Variants in CDK5RAP2 observed in about 807,000 individuals in gnomAD.
The protein encoded by CDK5RAP2 is CDK5 regulatory subunit-associated protein 2.
A neutral mutation model predicts 232.9 loss-of-function variants in CDK5RAP2; 147 were observed. The observed-to-expected ratio is 0.63, with a 90% confidence interval of 0.55 to 0.72. The LOEUF is 0.72. Ranked by LOEUF, CDK5RAP2 falls within the 30% of genes least tolerant of loss-of-function variation. CDK5RAP2 has a pLI of 0.00. For missense variants in CDK5RAP2, 2,195 were observed against 2,231.5 expected (o/e 0.98, Z 0.33); for synonymous variants, 833 against 833.7 (o/e 1.00, Z 0.01).
intron 26 of CDK5RAP2, among the ~76,000 whole-genome samples, chr9:120,422,323 G>A (rs1224414197): frequency 6.6e-6 from 1 of 152,184 alleles, no homozygotes. Context: ...TCAGGGGAAG[G>A]GAAGCGAGGA....
intron 22 of CDK5RAP2, among the ~76,000 whole-genome samples, chr9:120,445,230 G>GT (rs1455176145): frequency 1.3e-5 from 2 of 152,142 alleles, no homozygotes. Context: ...CCCAAAGTGT[G>GT]TAAGTGTCTT....
At chr9:120,545,383 G>A (rs2041799696) in intron 5 of CDK5RAP2, among the ~76,000 whole-genome samples, 2 of 152,182 alleles carry the variant, frequency 1.3e-5, no homozygotes, top group Admixed American at 1.3e-4. Flanking sequence ...CAGAATGGTA[G>A]TTATCTTTAG....
intron 3 of CDK5RAP2, among the ~76,000 whole-genome samples, chr9:120,555,455 G>A (rs1336214512): frequency 2.0e-5 from 3 of 152,056 alleles, no homozygotes; most frequent in Admixed American, 2.0e-4. Flanking sequence ...TCACTTCTCT[G>A]TGGACCTCAG....
At chr9:120,446,429 T>C (rs931236910) in intron 22 of CDK5RAP2, among the ~76,000 whole-genome samples, 17 of 152,182 alleles carry the variant, frequency 1.1e-4, no homozygotes, top group Admixed American at 5.2e-4. Context: ...TTTCGCCACG[T>C]TGGCCAAGCT....
chr9:120,545,812 G>T, intron 4 of CDK5RAP2, 22 bp from the exon 5 acceptor site: 1 of 1,595,270 alleles, frequency 6.3e-7, no homozygotes, highest in Non-Finnish European at 8.6e-7. Context: ...GATTAAGAAA[G>T]AAAAGAAACA....
chr9:120,530,058 A>G lies in CDK5RAP2; in HGVS notation c.745T>C (p.Cys249Arg), dbSNP rs894366002. 6.2e-7 allele frequency: 1 copy of G among 1,613,696 alleles called. No individual in the cohort carries two copies. Among genetic ancestry groups the G allele is most frequent in the Non-Finnish European group, 8.5e-7 (1 of 1,179,564 alleles). The change falls in exon 8 of 38, where the codon TGT becomes CGT. Residue 249 changes from cysteine to arginine, a missense_variant. By Grantham distance (180) the Cys-to-Arg change is radical. Coordinates refer to ENST00000349780, the MANE Select transcript of CDK5RAP2 (RefSeq NM_018249.6). ...CCAGATGACACATTCTCATCAGGAC[A>G]TGCCATCTGAGATTTCTCCTCTTTA... ...CLKEEKSQMA[C>R]PDENVSSGEL...
At chr9:120,506,359 T>C (rs1249231022) in intron 12 of CDK5RAP2, among the ~76,000 whole-genome samples, 1 of 152,232 alleles carries the variant, frequency 6.6e-6, no homozygotes, top group Non-Finnish European at 1.5e-5. Context: ...ACAATGCACC[T>C]GGTCATCCAA....
chr9:120,409,054 G>A, intron 30 of CDK5RAP2, 73 bp downstream of exon 30: 2 of 1,454,780 alleles, frequency 1.4e-6, no homozygotes, highest in Non-Finnish European at 1.9e-6. Flanking sequence ...CCTGCGTGCT[G>A]ATTCCACGAC....
chr9:120,540,246 T>C (rs1255143269), intron 5 of CDK5RAP2, among the ~76,000 whole-genome samples: 1 of 152,192 alleles, frequency 6.6e-6, no homozygotes, highest in Non-Finnish European at 1.5e-5. Flanking sequence ...TCGTCAGATT[T>C]CTAAAATGAC....
intron 26 of CDK5RAP2, among the ~76,000 whole-genome samples, chr9:120,420,670 C>T (rs1257003179): frequency 2.0e-5 from 3 of 151,772 alleles, no homozygotes. Flanking sequence ...CTTTTTTTCT[C>T]CCACGTCTTC....
At chr9:120,509,917 A>G (rs1205304548) in intron 12 of CDK5RAP2, among the ~76,000 whole-genome samples, 2 of 152,108 alleles carry the variant, frequency 1.3e-5, no homozygotes, top group Non-Finnish European at 2.9e-5. Flanking sequence ...ATTATTCTAT[A>G]AAGAGACCAA....
rs201479828 is a variant in CDK5RAP2, at chr9:120,409,128, T to G, written c.4603A>C (p.Arg1535=). 1.1e-5 allele frequency: 17 copies of G among 1,611,244 alleles called. No homozygotes were observed. Among genetic ancestry groups the G allele is most frequent in the Non-Finnish European group, 1.4e-5 (16 of 1,179,930 alleles). ...EVRCSGQELS[R]VQEEVKLRQQ... Reference sequence around the variant, plus strand: ...CCACCAGGGAAGCACAGCCACTACCTGCTCAGCTCCTGGCCGCTGCAGCGG... The same window carrying G: ...CCACCAGGGAAGCACAGCCACTACCGGCTCAGCTCCTGGCCGCTGCAGCGG... The change falls in exon 30 of 38, where the codon AGG becomes CGG. Residue 1535 remains arginine, a splice_region_variant and synonymous_variant. Coordinates refer to ENST00000349780, the MANE Select transcript of CDK5RAP2 (RefSeq NM_018249.6).
chr9:120,534,808 C>T (rs1203509558), intron 7 of CDK5RAP2, among the ~76,000 whole-genome samples: 1 of 152,188 alleles, frequency 6.6e-6, no homozygotes, highest in East Asian at 1.9e-4. Context: ...CCCCTACTCC[C>T]AGTTTAACTG....
Position 120,403,513 on chromosome 9 carries a change from GAT to G in CDK5RAP2, c.5042-444_5042-443del. The stretch of plus-strand genomic sequence containing the variant: ...CTGAGAAGGAGCAGCATTTGAACTG[GAT>G]TGAGCAAGTAGCAAGAATTACACGA... On this transcript the variant is annotated intron_variant, in intron 33 of 37. Transcript: ENST00000349780. The surrounding 1 kb of genome is among the most constrained non-coding windows in gnomAD (Gnocchi z 4.2). 3.5e-6 allele frequency: 1 copy of G among 284,274 alleles called. No individual in the cohort carries two copies. The highest frequency in any genetic ancestry group is 6.8e-6 in the Non-Finnish European group (1 of 147,620). The allele number at this position is 284,274 out of a possible 1,614,324, so 17.6% of individuals were successfully genotyped here.
chr9:120,400,780 G>T lies in CDK5RAP2; in HGVS notation c.5413C>A (p.Leu1805Ile), dbSNP rs545543130. 6.2e-7 allele frequency: 1 copy of T among 1,614,130 alleles called. No individual in the cohort carries two copies. The highest frequency in any genetic ancestry group is 1.1e-5 in the South Asian group (1 of 91,082). Residue 1805 changes from leucine to isoleucine, a missense_variant, in exon 35 of 38, where the codon CTC becomes ATC. Leu to Ile is a conservative substitution (Grantham distance 5). Coordinates refer to ENST00000349780, the MANE Select transcript of CDK5RAP2 (RefSeq NM_018249.6). Reference protein sequence around the residue: ...RRLKLLWRVSLPEDGQCPLHC... With the variant: ...RRLKLLWRVSIPEDGQCPLHC... Reference sequence around the variant, plus strand: ...AGGGGGCACTGGCCATCCTCGGGGAGTGAGACTCTCCAGAGAAGCTTCAGC... The same window carrying T: ...AGGGGGCACTGGCCATCCTCGGGGATTGAGACTCTCCAGAGAAGCTTCAGC...
At chr9:120,554,695 G>A (rs1030570749) in intron 3 of CDK5RAP2, among the ~76,000 whole-genome samples, 2 of 152,058 alleles carry the variant, frequency 1.3e-5, no homozygotes, top group Admixed American at 1.3e-4. Flanking sequence ...GTGCAATGGC[G>A]TAATCTTGGC....
rs145206302 is a variant in CDK5RAP2, at chr9:120,571,450, T to C, written c.127+524A>G. ...GAAGAATGCTTAGCTAGACCCAAAC[T>C]GCAAAGTCTCCTCATAATCCAGCTT... On this transcript the variant is annotated intron_variant, in intron 2 of 37. Transcript: ENST00000349780. Among the ~76,000 whole-genome samples, 12 of 152,360 alleles carry C rather than the reference T, an allele frequency of 7.9e-5. 1 individual carries two copies. The highest frequency in any genetic ancestry group is 2.2e-4 in the African/African-American group (9 of 41,586).
Position 120,525,077 on chromosome 9 carries a change from A to G in CDK5RAP2, c.1001T>C (p.Val334Ala), listed in dbSNP as rs2040839623. ...TMALKSKEKKVEELNSEIEKL... is the reference protein window; with the variant it reads ...TMALKSKEKKAEELNSEIEKL... Reference sequence around the variant, plus strand: ...TTCAATTTCAGAGTTAAGTTCTTCAACCTGGGGAAAAATAATGAATACCAG... The same window carrying G: ...TTCAATTTCAGAGTTAAGTTCTTCAGCCTGGGGAAAAATAATGAATACCAG... Residue 334 changes from valine (V) to alanine (A), a missense_variant and splice_region_variant, in exon 11 of 38, where the codon GTT becomes GCT. By Grantham distance (64) the Val-to-Ala change is moderately conservative. Coordinates refer to ENST00000349780, the MANE Select transcript of CDK5RAP2 (RefSeq NM_018249.6). 1 of 1,613,196 alleles carries G rather than the reference A, an allele frequency of 6.2e-7. No homozygotes were observed. The highest frequency in any genetic ancestry group is 8.5e-7 in the Non-Finnish European group (1 of 1,179,216).
intron 12 of CDK5RAP2, among the ~76,000 whole-genome samples, chr9:120,510,525 TAA>T (rs1211324545): frequency 6.6e-6 from 1 of 152,048 alleles, no homozygotes; most frequent in Non-Finnish European, 1.5e-5. Flanking sequence ...GCACCTAAAA[TAA>T]AGATTTCCCT....
Sources: gnomAD v4.1 joint callset for allele counts (sites outside exome capture counted in the v4.1 genomes callset) on GRCh38, gnomAD v4.1.1 for gene constraint, Gnocchi (gnomAD v3.1) non-coding constraint, MANE v1.5 for transcripts, NCBI Gene and HGNC (gene_info 2026-07-23, HGNC 2026-07-21) for gene names.